ERAP1: variants seen among roughly 807,000 people sequenced by gnomAD.
ERAP1 encodes the protein endoplasmic reticulum aminopeptidase 1.
A neutral mutation model predicts 103.7 loss-of-function variants in ERAP1; 86 were observed. That is an observed-to-expected ratio of 0.83 (90% CI 0.70 to 0.99). ERAP1 has a LOEUF of 0.99. ERAP1 is among the 50% of genes least tolerant of loss of function. The probability of loss-of-function intolerance (pLI) is 0.00; values close to 1 mark genes in which losing one functional copy is unlikely to be tolerated. For missense variants in ERAP1, 1,009 were observed against 1,128.4 expected (o/e 0.89, Z 1.52); for synonymous variants, 398 against 402.4 (o/e 0.99, Z 0.13).
chr5:96,929,898 T>C, the ERAP1 span, among the ~76,000 whole-genome samples: 5 of 152,188 alleles, frequency 3.3e-5, no homozygotes, highest in African/African-American at 1.2e-4. Context: ...TTAAAATATA[T>C]CAGTGTTTAT....
At chr5:96,887,138 C>T in the ERAP1 span, among the ~76,000 whole-genome samples, 1 of 147,422 alleles carries the variant, frequency 6.8e-6, no homozygotes, top group African/African-American at 2.5e-5. Context: ...TACATATATA[C>T]CCTTTGCAAA....
At chr5:96,790,396 T>C in intron 9 of ERAP1, 29 bp from the exon 10 acceptor site, 1 of 1,612,118 alleles carries the variant, frequency 6.2e-7, no homozygotes, top group East Asian at 2.2e-5. Context: ...CACATCACTC[T>C]TATTTCTATA....
chr5:96,828,305 T>C, the ERAP1 span, among the ~76,000 whole-genome samples: 2 of 152,298 alleles, frequency 1.3e-5, no homozygotes, highest in East Asian at 3.9e-4. Flanking sequence ...AAGTTTATAA[T>C]CCAACTACCA....
the ERAP1 span, among the ~76,000 whole-genome samples, chr5:96,834,462 G>C: frequency 6.6e-6 from 1 of 152,194 alleles, no homozygotes; most frequent in Non-Finnish European, 1.5e-5. Context: ...GTTCAACACA[G>C]TGATCAGATC....
intron 1 of ERAP1, 91 bp from the exon 2 acceptor site, chr5:96,804,034 C>T: frequency 2.1e-6 from 3 of 1,398,978 alleles, no homozygotes; most frequent in Non-Finnish European, 2.0e-6. Flanking sequence ...CCAGCATTCA[C>T]AGAAATAGGC....
At chr5:96,829,912 G>A in the ERAP1 span, among the ~76,000 whole-genome samples, 1 of 152,162 alleles carries the variant, frequency 6.6e-6, no homozygotes, top group Admixed American at 6.5e-5. Context: ...TGGAATTTCT[G>A]CTTCTGATAA....
chr5:96,817,032 A>C, the ERAP1 span, among the ~76,000 whole-genome samples: 16 of 152,352 alleles, frequency 1.1e-4, no homozygotes, highest in Non-Finnish European at 2.2e-4. Context: ...GGAATTAATA[A>C]GTGTTCATTG....
the ERAP1 span, among the ~76,000 whole-genome samples, chr5:96,845,961 A>C: frequency 6.6e-6 from 1 of 152,206 alleles, no homozygotes; most frequent in Non-Finnish European, 1.5e-5. Flanking sequence ...AGCATACAAT[A>C]GGGCATAATT....
intron 10 of ERAP1, 92 bp from the exon 11 acceptor site, chr5:96,788,777 C>T (rs1260726887): frequency 1.3e-6 from 2 of 1,506,916 alleles, no homozygotes; most frequent in African/African-American, 2.8e-5. Context: ...CAGCCGCTAC[C>T]AGTTGCCAAC....
In ERAP1 at chr5:96,775,211, A is replaced by AT. The variant is rs1026330715; in HGVS notation, c.*1184dup. Reference sequence around the variant, plus strand: ...TGCTTTCTATTATTATCATCTATACATAAAACCTGAGCAGCAACTGTGTGC... The same window carrying AT: ...TGCTTTCTATTATTATCATCTATACATTAAAACCTGAGCAGCAACTGTGTGC... On this transcript the variant is annotated 3_prime_UTR_variant, in exon 19 of 19. Transcript: ENST00000443439. 9 of 985,466 alleles carry AT rather than the reference A, an allele frequency of 9.1e-6. No individual in the cohort carries two copies. The highest frequency in any genetic ancestry group is 1.2e-4 in the Admixed American group (2 of 16,272). 61.0% of individuals were successfully genotyped at this position (985,466 alleles called of 1,614,324 possible).
chr5:96,920,245 C>CA, the ERAP1 span, among the ~76,000 whole-genome samples: 2 of 150,936 alleles, frequency 1.3e-5, no homozygotes, highest in African/African-American at 4.9e-5. Context: ...GTGAAGGTTG[C>CA]AGTGAGCCAA....
In ERAP1 at chr5:96,785,954, C is replaced by T. The variant is rs1775936082; in HGVS notation, c.1777G>A (p.Glu593Lys). 4.3e-6 allele frequency: 7 copies of T among 1,614,116 alleles called. No homozygotes were observed. The highest frequency in any genetic ancestry group is 5.9e-6 in the Non-Finnish European group (7 of 1,180,002). ...TTAAATTTGATCCATTCCACCTCTT[C>T]TGGGAGGATGAGCACATCTAGAGTA... ...KTKTDVLILP[E>K]EVEWIKFNVG... Residue 593 changes from glutamate to lysine, a missense_variant, in exon 13 of 19, where the codon GAA (glutamate) becomes AAA (lysine). Physicochemically the swap from Glu to Lys is moderately conservative, Grantham distance 56. Transcript: ENST00000443439.
chr5:96,866,621 T>C, the ERAP1 span, among the ~76,000 whole-genome samples: 4 of 152,154 alleles, frequency 2.6e-5, no homozygotes, highest in Non-Finnish European at 5.9e-5. Context: ...TATAAAGCCA[T>C]AGTTCCTGCC....
Position 96,781,822 on chromosome 5 carries a change from G to T in ERAP1, c.2318C>A (p.Ala773Asp). Residue 773 changes from alanine to aspartate, a missense_variant, in exon 16 of 19, where the codon GCT becomes GAT. By Grantham distance (126) the Ala-to-Asp change is moderately radical. Around this residue, in one of 3 missense-constraint regions of ERAP1, gnomAD observed 611 missense variants for 651.7 expected, o/e 0.94. Coordinates refer to ENST00000443439, the MANE Select transcript of ERAP1 (RefSeq NM_001040458.3). Reference protein sequence around the residue: ...LPVDVTLAVFAVGAQSTEGWD... With the variant: ...LPVDVTLAVFDVGAQSTEGWD... ...GCCTTCTGTGCTCTGGGCCCCCACA[G>T]CAAACACTGCCAAGGTCACGTCGAC... The T allele has an allele frequency of 6.2e-7, 1 of 1,614,000 alleles. No homozygotes were observed. The highest frequency in any genetic ancestry group is 8.5e-7 in the Non-Finnish European group (1 of 1,180,010).
chr5:96,914,312 T>C, the ERAP1 span, among the ~76,000 whole-genome samples: 1 of 152,228 alleles, frequency 6.6e-6, no homozygotes, highest in African/African-American at 2.4e-5. Context: ...ATATCATTAA[T>C]TCCTAGTTCC....
At chr5:96,923,685 C>G in the ERAP1 span, among the ~76,000 whole-genome samples, 3 of 147,388 alleles carry the variant, frequency 2.0e-5, no homozygotes, top group African/African-American at 7.5e-5. Context: ...CACAGTGAGA[C>G]TCTGTCTCAA....
At chr5:96,833,603 T>A in the ERAP1 span, among the ~76,000 whole-genome samples, 1 of 152,054 alleles carries the variant, frequency 6.6e-6, no homozygotes, top group South Asian at 2.1e-4. Context: ...ATAAATAGAA[T>A]TTAGTCACAT....
At chr5:96,780,277 T>C (rs1774958690) in intron 18 of ERAP1, 146 bp downstream of exon 18, 2 of 566,360 alleles carry the variant, frequency 3.5e-6, no homozygotes, top group Non-Finnish European at 5.8e-6. Context: ...TTTATGCTGC[T>C]GTCAACACCA....
chr5:96,799,444 T>C (rs1412000503), intron 3 of ERAP1, among the ~76,000 whole-genome samples: 1 of 151,408 alleles, frequency 6.6e-6, no homozygotes, highest in African/African-American at 2.4e-5. Context: ...AGTTTTCCTA[T>C]CCTCAAAAAA....
Sources: gnomAD v4.1 joint callset for allele counts (sites outside exome capture counted in the v4.1 genomes callset) on GRCh38, gnomAD v4.1.1 for gene constraint, gnomAD v4.1.1 regional missense constraint, MANE v1.5 for transcripts, NCBI Gene and HGNC (gene_info 2026-07-23, HGNC 2026-07-21) for gene names.